PRMT9: variants seen among roughly 807,000 people sequenced by gnomAD.
PRMT9 encodes the protein protein arginine methyltransferase 9.
PRMT9 carries 59 observed loss-of-function variants against 83.2 expected under a neutral mutation model. The ratio of observed to expected loss-of-function variants is 0.71; its 90% CI spans 0.57 to 0.88. The LOEUF is 0.88. Among genes scored for constraint, PRMT9 ranks in the 40% least tolerant of loss-of-function variants. The pLI is 0.00. For missense variants in PRMT9, 947 were observed against 1,021.9 expected (o/e 0.93, Z 1.00); for synonymous variants, 333 against 353.2 (o/e 0.94, Z 0.64).
Position 147,638,307 on chromosome 4 carries a change from T to C in PRMT9, c.*225A>G. Reference sequence around the variant, plus strand: ...AATCGAGCAAAAGAAGTTTCCTAATTTAAAAAACTAGTGATGTATCCTTTT... The same window carrying C: ...AATCGAGCAAAAGAAGTTTCCTAATCTAAAAAACTAGTGATGTATCCTTTT... On this transcript the variant is annotated 3_prime_UTR_variant, in exon 12 of 12. Coordinates refer to ENST00000322396, the MANE Select transcript of PRMT9 (RefSeq NM_138364.4). The C allele has an allele frequency of 3.7e-6, 2 of 540,176 alleles. No homozygotes were observed. Among genetic ancestry groups the C allele is most frequent in the South Asian group, 4.6e-5 (2 of 43,448 alleles). The allele number at this position is 540,176 out of a possible 1,614,324, so 33.5% of individuals were successfully genotyped here.
chr4:147,666,823 TAAAAAAAAAAAAA>T (rs67002013), intron 6 of PRMT9, among the ~76,000 whole-genome samples: 2 of 126,456 alleles, frequency 1.6e-5, no homozygotes, highest in African/African-American at 5.8e-5. Flanking sequence ...GAACTTTGTT[TAAAAAAAAAAAAA>T]AAAAAAAAAG....
chr4:147,651,218 AT>A (rs1204849510), intron 9 of PRMT9, among the ~76,000 whole-genome samples: 1 of 152,192 alleles, frequency 6.6e-6, no homozygotes, highest in African/African-American at 2.4e-5. Context: ...TATACACCAT[AT>A]ACAAAAATTA....
chr4:147,673,972 GC>G, intron 2 of PRMT9, 98 bp from the exon 3 acceptor site: 1 of 973,942 alleles, frequency 1.0e-6, no homozygotes, highest in Non-Finnish European at 1.6e-6. Context: ...GGAATTCCAT[GC>G]CAGCACCCCA....
At chr4:147,653,009 C>T (rs1244842219) in intron 9 of PRMT9, among the ~76,000 whole-genome samples, 1 of 152,122 alleles carries the variant, frequency 6.6e-6, no homozygotes, top group Non-Finnish European at 1.5e-5. Context: ...ATTAAAAATA[C>T]CTGTATGTGT....
intron 7 of PRMT9, among the ~76,000 whole-genome samples, chr4:147,658,283 G>A (rs1734676987): frequency 6.6e-6 from 1 of 151,774 alleles, no homozygotes; most frequent in Admixed American, 6.6e-5. Context: ...GTTTTGTTTA[G>A]AAAATAGAGG....
chr4:147,682,339 C>T (rs1736535251), intron 1 of PRMT9, among the ~76,000 whole-genome samples: 2 of 152,310 alleles, frequency 1.3e-5, no homozygotes, highest in South Asian at 4.1e-4. Context: ...ACCACCACGC[C>T]CAGCTAATTT....
chr4:147,652,150 C>T (rs1033708425), intron 9 of PRMT9, among the ~76,000 whole-genome samples: 1 of 152,016 alleles, frequency 6.6e-6, no homozygotes, highest in African/African-American at 2.4e-5. Flanking sequence ...CAAAACATGT[C>T]TGAAATACAT....
intron 9 of PRMT9, among the ~76,000 whole-genome samples, chr4:147,650,636 C>T (rs952946792): frequency 1.3e-5 from 2 of 152,112 alleles, no homozygotes; most frequent in Non-Finnish European, 2.9e-5. Context: ...GAAAAATTTA[C>T]CCTAAAATTT....
intron 9 of PRMT9, among the ~76,000 whole-genome samples, chr4:147,646,591 G>T (rs1438111757): frequency 6.9e-6 from 1 of 145,928 alleles, no homozygotes; most frequent in East Asian, 2.2e-4. Context: ...TCCAGCCTGG[G>T]TGACAGAGTA....
chr4:147,671,794 A>G, intron 4 of PRMT9: 1 of 452,920 alleles, frequency 2.2e-6, no homozygotes, highest in Non-Finnish European at 4.4e-6. Context: ...ATTATCTGTG[A>G]GAAAAAGGTA....
chr4:147,638,993 A>G lies in PRMT9; in HGVS notation c.2289T>C (p.Thr763=). The G allele has an allele frequency of 6.2e-7, 1 of 1,612,576 alleles. No individual in the cohort carries two copies. Among genetic ancestry groups the G allele is most frequent in the Non-Finnish European group, 8.5e-7 (1 of 1,178,728 alleles). Residue 763 remains threonine, a synonymous_variant, in exon 11 of 12, where the codon ACT becomes ACC. Transcript: ENST00000322396. The part of the protein sequence containing the change: ...PVELLRLDLM[T]PYLNTSNREV... ...CTCTGTTAGAGGTGTTCAAATACGG[A>G]GTCATTAAATCTAGTCTTAAGAGTT...
At chr4:147,650,320 C>T (rs997733368) in intron 9 of PRMT9, among the ~76,000 whole-genome samples, 18 of 152,146 alleles carry the variant, frequency 1.2e-4, no homozygotes, top group Non-Finnish European at 2.5e-4. Flanking sequence ...TAAATGACTT[C>T]AGCAAAATTA....
chr4:147,651,983 C>T (rs1734126290), intron 9 of PRMT9, among the ~76,000 whole-genome samples: 1 of 152,058 alleles, frequency 6.6e-6, no homozygotes, highest in African/African-American at 2.4e-5. Context: ...AATTTCAAAA[C>T]AATTTTTAAT....
chr4:147,681,068 T>C (rs1736438910), intron 1 of PRMT9, among the ~76,000 whole-genome samples: 1 of 152,210 alleles, frequency 6.6e-6, no homozygotes, highest in African/African-American at 2.4e-5. Flanking sequence ...AATTTAATTT[T>C]GGAAAAGTTC....
At chr4:147,668,168 C>A (rs560707990) in intron 6 of PRMT9, among the ~76,000 whole-genome samples, 1 of 152,280 alleles carries the variant, frequency 6.6e-6, no homozygotes, top group African/African-American at 2.4e-5. Flanking sequence ...TCTGTGTCCC[C>A]ACCCAAATCT....
intron 2 of PRMT9, among the ~76,000 whole-genome samples, chr4:147,677,716 C>T (rs887346238): frequency 1.3e-5 from 2 of 151,992 alleles, no homozygotes; most frequent in African/African-American, 4.8e-5. Context: ...TTCGGCCTCC[C>T]AAAGTGCTGG....
intron 5 of PRMT9, 38 bp from the exon 6 acceptor site, chr4:147,668,683 T>C (rs1273965304): frequency 1.7e-6 from 2 of 1,178,292 alleles, no homozygotes; most frequent in Admixed American, 3.4e-5. Context: ...TTATCACATG[T>C]ATGTAAAAAT....
intron 2 of PRMT9, among the ~76,000 whole-genome samples, chr4:147,675,486 GC>G (rs1288410598): frequency 6.6e-6 from 1 of 152,056 alleles, no homozygotes; most frequent in Non-Finnish European, 1.5e-5. Flanking sequence ...GTTCTTATTT[GC>G]AACTACCATT....
chr4:147,683,623 C>T (rs1321453120), intron 1 of PRMT9, among the ~76,000 whole-genome samples, 176 bp downstream of exon 1: 1 of 150,308 alleles, frequency 6.7e-6, no homozygotes, highest in East Asian at 1.9e-4. Context: ...TTTTTCTTTT[C>T]TTTTTTTTTA....
Sources: allele counts gnomAD v4.1 joint callset (sites outside exome capture counted in the v4.1 genomes callset), GRCh38; gene constraint gnomAD v4.1.1; transcripts MANE v1.5; gene names NCBI Gene and HGNC (gene_info 2026-07-23, HGNC 2026-07-21).